The following ZMYM2 variants were observed in gnomAD, a reference collection of about 807,000 sequenced individuals.
ZMYM2 encodes the protein zinc finger MYM-type containing 2.
Under a neutral mutation model 162.8 loss-of-function variants are expected in ZMYM2, and 56 were observed. The ratio of observed to expected loss-of-function variants is 0.34; its 90% CI spans 0.28 to 0.43. The LOEUF (loss-of-function observed/expected upper bound fraction) is 0.43, where lower values mean the gene tolerates loss of function less well. Ranked by LOEUF, ZMYM2 falls within the 20% of genes least tolerant of loss-of-function variation. ZMYM2 has a pLI of 1.00. For missense variants in ZMYM2, 1,275 were observed against 1,621.8 expected, an observed-to-expected ratio of 0.79 and a Z score of 3.67; for synonymous variants, 510 against 541.6, an observed-to-expected ratio of 0.94 and a Z score of 0.81.
intron 14 of ZMYM2, among the ~76,000 whole-genome samples, chr13:20,058,373 A>G (rs917723979): frequency 2.0e-5 from 3 of 152,176 alleles, no homozygotes; most frequent in African/African-American, 7.2e-5. Context: ...AATAATTGCT[A>G]CCACTTTGCT....
At chr13:20,034,529 T>A in intron 11 of ZMYM2, 125 bp downstream of exon 11, 1 of 880,112 alleles carries the variant, frequency 1.1e-6, no homozygotes, top group Admixed American at 3.3e-5. Flanking sequence ...AGTTTACGTT[T>A]CTACTGACTT....
chr13:19,868,076 TTCTC>T, the ZMYM2 span, among the ~76,000 whole-genome samples: 1 of 152,206 alleles, frequency 6.6e-6, no homozygotes, highest in African/African-American at 2.4e-5. Context: ...TAGGTAACAT[TTCTC>T]TTTTTCATAA....
chr13:19,886,123 C>CAA, the ZMYM2 span, among the ~76,000 whole-genome samples: 1 of 145,752 alleles, frequency 6.9e-6, no homozygotes, highest in Non-Finnish European at 1.5e-5. Flanking sequence ...TGACCCTGTT[C>CAA]AAAAACTGCT....
upstream of ZMYM2, among the ~76,000 whole-genome samples, chr13:19,957,297 CAT>C (rs949797973): frequency 2.6e-5 from 4 of 152,072 alleles, no homozygotes; most frequent in Admixed American, 2.0e-4. Flanking sequence ...ACTGTATTAT[CAT>C]ATATGTTTAT....
the ZMYM2 span, among the ~76,000 whole-genome samples, chr13:19,885,731 C>G: frequency 1.3e-5 from 2 of 150,946 alleles, no homozygotes; most frequent in Admixed American, 6.6e-5. Context: ...GCTTTAATCC[C>G]AGCTACTCAG....
chr13:20,043,783 A>C (rs1954505300), intron 12 of ZMYM2, among the ~76,000 whole-genome samples: 1 of 152,040 alleles, frequency 6.6e-6, no homozygotes, highest in African/African-American at 2.4e-5. Context: ...TGGGTGAGGC[A>C]AGCAAAACCT....
At chr13:20,032,031 C>A (rs990478679) in intron 10 of ZMYM2, among the ~76,000 whole-genome samples, 2 of 151,894 alleles carry the variant, frequency 1.3e-5, no homozygotes, top group Non-Finnish European at 2.9e-5. Flanking sequence ...CCACCATGCC[C>A]AGCTAATTTT....
chr13:19,873,495 G>A, the ZMYM2 span, among the ~76,000 whole-genome samples: 3 of 151,742 alleles, frequency 2.0e-5, no homozygotes, highest in South Asian at 2.1e-4. Flanking sequence ...TGCAACCTCC[G>A]CCTCCCAGGT....
At position 20,086,807 on chromosome 13, in the gene ZMYM2, G is replaced by A. The variant is rs1211927418; in HGVS notation, c.*793G>A. Reference sequence around the variant, plus strand: ...TATATATATATATATATAAATGATTGTAAGTTGAAAACAAGATCATCAAGA... The same window carrying A: ...TATATATATATATATATAAATGATTATAAGTTGAAAACAAGATCATCAAGA... On this transcript the variant is annotated 3_prime_UTR_variant, in exon 25 of 25. Transcript: ENST00000610343. 3 of 151,560 alleles carry A rather than the reference G, an allele frequency of 2.0e-5. No homozygotes were observed. Among genetic ancestry groups the A allele is most frequent in the Non-Finnish European group, 4.3e-5 (3 of 70,118 alleles). 9.4% of individuals were successfully genotyped at this position (151,560 alleles called of 1,614,324 possible). A position where few individuals can be genotyped will look rare whatever the true frequency, so the allele number is the denominator to read the frequency against.
At chr13:20,005,017 C>G in intron 4 of ZMYM2, 57 bp from the exon 5 acceptor site, 1 of 1,424,418 alleles carries the variant, frequency 7.0e-7, no homozygotes, top group East Asian at 2.5e-5. Flanking sequence ...TCACTTATGA[C>G]TCTTATATTT....
chr13:20,050,334 A>G (rs560712828), intron 12 of ZMYM2, among the ~76,000 whole-genome samples: 1 of 152,112 alleles, frequency 6.6e-6, no homozygotes, highest in South Asian at 2.1e-4. Context: ...TTGACATGGC[A>G]TTTGTAGAAT....
chr13:20,067,401 T>C lies in ZMYM2; in HGVS notation c.3453+11T>C, dbSNP rs1411410953. On this transcript the variant is annotated intron_variant, in intron 21 of 24. Coordinates refer to ENST00000610343, the MANE Select transcript of ZMYM2 (RefSeq NM_197968.4). Reference sequence around the variant, plus strand: ...CTTGGAATACAGGAGGTTAGTAATTTGATGGCTGCTTTCAAGTATAACATT... The same window carrying C: ...CTTGGAATACAGGAGGTTAGTAATTCGATGGCTGCTTTCAAGTATAACATT... 2 of 1,590,398 alleles carry C rather than the reference T, an allele frequency of 1.3e-6. No individual in the cohort carries two copies. The highest frequency in any genetic ancestry group is 1.7e-6 in the Non-Finnish European group (2 of 1,164,462).
the ZMYM2 span, among the ~76,000 whole-genome samples, chr13:19,951,432 G>C: frequency 6.8e-6 from 1 of 146,224 alleles, no homozygotes; most frequent in Non-Finnish European, 1.5e-5. Context: ...GCTTACTCCT[G>C]TAATCCCAGC....
the ZMYM2 span, among the ~76,000 whole-genome samples, chr13:19,928,709 A>C: frequency 6.6e-6 from 1 of 151,866 alleles, no homozygotes; most frequent in Non-Finnish European, 1.5e-5. Flanking sequence ...AGGCAGGACA[A>C]TGGCTTGAAC....
In ZMYM2 at chr13:20,083,704, T is replaced by G. The variant is rs1335277817; in HGVS notation, c.3869T>G (p.Phe1290Cys). 2 of 1,586,236 alleles carry G rather than the reference T, an allele frequency of 1.3e-6. No homozygotes were observed. Among genetic ancestry groups the G allele is most frequent in the Admixed American group, 3.5e-5 (2 of 56,672 alleles). Residue 1290 changes from phenylalanine (F) to cysteine (C), a missense_variant, in exon 24 of 25, where the codon TTT becomes TGT. Physicochemically the swap from Phe to Cys is radical, Grantham distance 205. This residue lies in a region of ZMYM2 where 103 missense variants were observed against 192.2 expected (regional missense o/e 0.54). Transcript: ENST00000610343. The part of the protein sequence containing the change: ...KRKHEDDEPV[F>C]EQIENTANPS... ...AAACATGAAGATGATGAGCCAGTAT[T>G]TGAACAAATTGAAAACACAGCCAAT... is the stretch of plus-strand genomic sequence containing the variant.
chr13:19,870,052 A>G, the ZMYM2 span, among the ~76,000 whole-genome samples: 1 of 152,210 alleles, frequency 6.6e-6, no homozygotes, highest in Non-Finnish European at 1.5e-5. Context: ...AGTCGTATGA[A>G]GGCCTGACAG....
chr13:19,908,152 G>A, the ZMYM2 span, among the ~76,000 whole-genome samples: 6 of 151,660 alleles, frequency 4.0e-5, no homozygotes, highest in African/African-American at 1.5e-4. Flanking sequence ...GCCAGGTATG[G>A]TGGTGCATGC....
intron 17 of ZMYM2, among the ~76,000 whole-genome samples, chr13:20,061,827 G>GAA (rs1956258481): frequency 6.6e-6 from 1 of 151,682 alleles, no homozygotes. Context: ...GACCTCAGGT[G>GAA]ATCCACCTGC....
the ZMYM2 span, among the ~76,000 whole-genome samples, chr13:19,919,646 G>A: frequency 1.3e-5 from 2 of 150,626 alleles, no homozygotes; most frequent in African/African-American, 4.9e-5. Context: ...ATTTTCTTTG[G>A]TGAAATGTCT....
Sources: allele counts gnomAD v4.1 joint callset (sites outside exome capture counted in the v4.1 genomes callset), GRCh38; gene constraint gnomAD v4.1.1; regional missense constraint gnomAD v4.1.1; transcripts MANE v1.5; gene names NCBI Gene and HGNC (gene_info 2026-07-23, HGNC 2026-07-21).